WNK1: variants seen among roughly 807,000 people sequenced by gnomAD.
WNK1 encodes the protein WNK lysine deficient protein kinase 1, also known as serine/threonine-protein kinase WNK1.
Under a neutral mutation model 222.8 loss-of-function variants are expected in WNK1, and 38 were observed. The observed-to-expected ratio is 0.17, with a 90% CI of 0.13 to 0.22. WNK1 has a LOEUF of 0.22. WNK1 is among the 10% of genes least tolerant of loss of function. WNK1 has a pLI of 1.00. For missense variants in WNK1, 2,348 were observed against 2,918.4 expected (o/e 0.80, Z 4.50); for synonymous variants, 1,090 against 1,092.9 (o/e 1.00, Z 0.05).
intron 1 of WNK1, among the ~76,000 whole-genome samples, chr12:778,393 C>T (rs369978111): frequency 6.1e-4 from 93 of 151,870 alleles, no homozygotes; most frequent in African/African-American, 1.7e-3. Flanking sequence ...AGTGCAGTGG[C>T]GCCATCTTGG....
At chr12:760,770 T>TA (rs1940907610) in intron 1 of WNK1, among the ~76,000 whole-genome samples, 1 of 146,340 alleles carries the variant, frequency 6.8e-6, no homozygotes, top group Admixed American at 6.8e-5. Context: ...GTTTTTTTTT[T>TA]ATTGTTGTTG....
intron 25 of WNK1, among the ~76,000 whole-genome samples, chr12:899,431 A>G (rs1955034469): frequency 6.6e-6 from 1 of 152,000 alleles, no homozygotes; most frequent in Non-Finnish European, 1.5e-5. Flanking sequence ...CCCAAACCAA[A>G]TGTATAAGAA....
chr12:770,397 G>A (rs1942333167), intron 1 of WNK1, among the ~76,000 whole-genome samples: 1 of 152,168 alleles, frequency 6.6e-6, no homozygotes, highest in African/African-American at 2.4e-5. Context: ...AAAAAGAAAA[G>A]CATTTGTTTT....
intron 15 of WNK1, 114 bp downstream of exon 15, chr12:883,173 A>G: frequency 1.0e-6 from 1 of 1,004,110 alleles, no homozygotes; most frequent in Non-Finnish European, 1.6e-6. Flanking sequence ...TTATGCATTT[A>G]CTTCAATGTG....
chr12:896,009 T>G, intron 23 of WNK1, 62 bp from the exon 24 acceptor site: 1 of 1,604,204 alleles, frequency 6.2e-7, no homozygotes, highest in Non-Finnish European at 8.5e-7. Context: ...TTTTTTAAAT[T>G]GTCTGTGATA....
intron 1 of WNK1, among the ~76,000 whole-genome samples, chr12:792,253 AGTATAT>A (rs1365421136): frequency 6.6e-6 from 1 of 151,352 alleles, no homozygotes; most frequent in Non-Finnish European, 1.5e-5. Flanking sequence ...GAACTACAGT[AGTATAT>A]GTATTAGTTC....
chr12:859,652 T>G (rs1173538772), intron 6 of WNK1, among the ~76,000 whole-genome samples, 188 bp downstream of exon 6: 1 of 151,288 alleles, frequency 6.6e-6, no homozygotes, highest in Non-Finnish European at 1.5e-5. Flanking sequence ...TTTTTAAACT[T>G]CTTTGTATTG....
chr12:818,058 A>G (rs1947521626), intron 2 of WNK1, among the ~76,000 whole-genome samples: 1 of 152,246 alleles, frequency 6.6e-6, no homozygotes, highest in African/African-American at 2.4e-5. Flanking sequence ...CATTTTAGAA[A>G]GTACAATTCA....
chr12:828,458 C>A (rs1051688265), intron 3 of WNK1, among the ~76,000 whole-genome samples: 1 of 152,090 alleles, frequency 6.6e-6, no homozygotes, highest in Admixed American at 6.6e-5. Flanking sequence ...AACCTCAATA[C>A]TACTGAGATT....
intron 4 of WNK1, among the ~76,000 whole-genome samples, chr12:830,892 G>T (rs985361148): frequency 1.3e-5 from 2 of 152,062 alleles, no homozygotes; most frequent in South Asian, 4.1e-4. Context: ...TTCAAAATAG[G>T]CTCCATCAAG....
At chr12:892,876 C>T (rs1264732006) in intron 22 of WNK1, among the ~76,000 whole-genome samples, 1 of 152,146 alleles carries the variant, frequency 6.6e-6, no homozygotes, top group Non-Finnish European at 1.5e-5. Flanking sequence ...ATGTCTACTA[C>T]AGTCTTAAAT....
At chr12:880,312 A>G (rs72649893) in intron 11 of WNK1, among the ~76,000 whole-genome samples, 4 of 152,236 alleles carry the variant, frequency 2.6e-5, no homozygotes, top group Non-Finnish European at 5.9e-5. Flanking sequence ...CAACTTTTAC[A>G]TATATGGGTA....
intron 4 of WNK1, among the ~76,000 whole-genome samples, chr12:843,936 A>G (rs928703322): frequency 4.0e-4 from 61 of 152,194 alleles, no homozygotes; most frequent in African/African-American, 1.4e-3. Flanking sequence ...TATTTGGTTA[A>G]TTAAATAAAA....
intron 4 of WNK1, among the ~76,000 whole-genome samples, chr12:846,095 TTTTTTGTTTTG>T (rs1224783667): frequency 6.6e-6 from 1 of 152,208 alleles, no homozygotes; most frequent in Non-Finnish European, 1.5e-5. Flanking sequence ...CCTTTACCTC[TTTTTTGTTTTG>T]TTTTTAACCT....
At chr12:815,144 G>T (rs1180620959) in intron 2 of WNK1, among the ~76,000 whole-genome samples, 1 of 152,176 alleles carries the variant, frequency 6.6e-6, no homozygotes, top group Non-Finnish European at 1.5e-5. Context: ...GTGTGGCCAG[G>T]TTCCTAAAAG....
intron 1 of WNK1, among the ~76,000 whole-genome samples, chr12:784,446 G>T (rs79693357): frequency 7.6e-4 from 116 of 151,946 alleles, no homozygotes; most frequent in Non-Finnish European, 1.4e-3. Context: ...TGCCTTTGAT[G>T]TGATTGTCTT....
chr12:833,554 T>A (rs1156877320), intron 4 of WNK1, among the ~76,000 whole-genome samples: 1 of 152,242 alleles, frequency 6.6e-6, no homozygotes, highest in South Asian at 2.1e-4. Flanking sequence ...TCAATCCATA[T>A]ACTTAACGGT....
chr12:899,318 G>GA (rs1555160026), intron 25 of WNK1, among the ~76,000 whole-genome samples: 1 of 151,642 alleles, frequency 6.6e-6, no homozygotes, highest in African/African-American at 2.4e-5. Flanking sequence ...TTTTGTTTTT[G>GA]TTTTTTTGAG....
At chr12:778,509 T>G (rs1294754987) in intron 1 of WNK1, among the ~76,000 whole-genome samples, 1 of 152,050 alleles carries the variant, frequency 6.6e-6, no homozygotes, top group Non-Finnish European at 1.5e-5. Context: ...TTTTATATTT[T>G]CAGTAGAGAC....
Sources: gnomAD v4.1 joint callset for allele counts (sites outside exome capture counted in the v4.1 genomes callset) on GRCh38, gnomAD v4.1.1 for gene constraint, MANE v1.5 for transcripts, NCBI Gene and HGNC (gene_info 2026-07-23, HGNC 2026-07-21) for gene names.